The following CPNE8 variants were observed in gnomAD, a reference collection of about 807,000 sequenced individuals.
The protein encoded by CPNE8 is copine-8.
In CPNE8, 45 loss-of-function variants were observed where a neutral mutation model predicts 81.5. The ratio of observed to expected loss-of-function variants is 0.55; its 90% confidence interval spans 0.44 to 0.71. The LOEUF (loss-of-function observed/expected upper bound fraction) is 0.71. CPNE8 is among the 30% of genes least tolerant of loss of function. CPNE8 has a pLI of 0.00. For missense variants in CPNE8, 594 were observed against 672.1 expected (o/e 0.88, Z 1.28); for synonymous variants, 252 against 226.3 (o/e 1.11, Z -1.02).
intron 13 of CPNE8, 74 bp from the exon 14 acceptor site, chr12:38,702,995 A>G (rs1309288032): frequency 8.9e-6 from 9 of 1,007,442 alleles, no homozygotes; most frequent in African/African-American, 1.6e-5. Flanking sequence ...CATTTCGGTT[A>G]TATTTTTTAA....
intron 11 of CPNE8, among the ~76,000 whole-genome samples, chr12:38,727,467 CAT>C (rs796348387): frequency 1.7e-4 from 26 of 152,240 alleles, no homozygotes; most frequent in African/African-American, 5.5e-4. Context: ...TTACAATTAA[CAT>C]GTGTCAATTA....
chr12:38,669,051 C>A (rs1320377430), intron 19 of CPNE8, among the ~76,000 whole-genome samples: 1 of 148,738 alleles, frequency 6.7e-6, no homozygotes, highest in African/African-American at 2.5e-5. Context: ...GACTCTGCCT[C>A]AAAAAAAAAA....
intron 10 of CPNE8, among the ~76,000 whole-genome samples, chr12:38,740,448 G>C (rs1189882295): frequency 6.6e-6 from 1 of 152,180 alleles, no homozygotes; most frequent in Non-Finnish European, 1.5e-5. Context: ...GGAGTGGTGA[G>C]AGAGGGCATC....
chr12:38,813,998 T>C (rs1049519238), intron 6 of CPNE8, among the ~76,000 whole-genome samples: 1 of 151,932 alleles, frequency 6.6e-6, no homozygotes, highest in African/African-American at 2.4e-5. Context: ...AGTGGAATCA[T>C]GAAGAATGAG....
chr12:38,687,349 C>A (rs1047701554), intron 15 of CPNE8, among the ~76,000 whole-genome samples: 3 of 149,200 alleles, frequency 2.0e-5, no homozygotes, highest in African/African-American at 7.4e-5. Flanking sequence ...CATTATGCTA[C>A]CAAATTACGA....
intron 10 of CPNE8, among the ~76,000 whole-genome samples, chr12:38,737,823 TTCTC>T (rs34037924): frequency 0.55 from 83,638 of 151,114 alleles, 23,667 homozygotes; most frequent in East Asian, 0.81. Flanking sequence ...CACATACTCA[TTCTC>T]TCTCTCTCTC....
At chr12:38,821,633 A>C (rs1943111934) in intron 6 of CPNE8, among the ~76,000 whole-genome samples, 1 of 152,136 alleles carries the variant, frequency 6.6e-6, no homozygotes, top group Admixed American at 6.5e-5. Flanking sequence ...CATTCATTTT[A>C]CCTATATCTC....
intron 1 of CPNE8, among the ~76,000 whole-genome samples, chr12:38,881,136 G>C (rs967315760): frequency 1.3e-5 from 2 of 151,868 alleles, no homozygotes; most frequent in African/African-American, 4.8e-5. Context: ...CGTGAACCCG[G>C]GAGGCGGAGC....
intron 14 of CPNE8, among the ~76,000 whole-genome samples, chr12:38,698,249 A>G (rs557043011): frequency 4.5e-4 from 69 of 152,232 alleles, no homozygotes; most frequent in African/African-American, 1.6e-3. Flanking sequence ...CACTTTTAAC[A>G]TTGGATTATT....
intron 19 of CPNE8, among the ~76,000 whole-genome samples, chr12:38,657,961 G>GAAAATTCT (rs1035287314): frequency 2.6e-5 from 4 of 152,130 alleles, no homozygotes; most frequent in African/African-American, 9.7e-5. Flanking sequence ...CAGAAAAGCT[G>GAAAATTCT]AAAATTCTAA....
intron 6 of CPNE8, among the ~76,000 whole-genome samples, chr12:38,819,699 G>A (rs193000388): frequency 4.7e-4 from 70 of 148,764 alleles, no homozygotes; most frequent in African/African-American, 1.6e-3. Flanking sequence ...CCCGGGAGGC[G>A]GACCTTGCAG....
chr12:38,693,563 G>T (rs1047304665), intron 15 of CPNE8, 94 bp downstream of exon 15: 8 of 1,067,264 alleles, frequency 7.5e-6, no homozygotes, highest in African/African-American at 4.8e-5. Context: ...AGTAAAGCTT[G>T]CTACTTGACT....
At chr12:38,717,429 G>GTGTGTATATATATATA (rs770984926) in intron 13 of CPNE8, among the ~76,000 whole-genome samples, 1 of 87,052 alleles carries the variant, frequency 1.1e-5, no homozygotes, top group African/African-American at 4.6e-5. Flanking sequence ...AAAGTGTGGT[G>GTGTGTATATATATATA]TATATATATA....
intron 6 of CPNE8, among the ~76,000 whole-genome samples, chr12:38,815,474 C>T (rs1943010062): frequency 6.6e-6 from 1 of 152,194 alleles, no homozygotes; most frequent in Admixed American, 6.5e-5. Context: ...AAGATGCATG[C>T]AAGTACAGTT....
At chr12:38,667,910 G>GC (rs1939094639) in intron 19 of CPNE8, among the ~76,000 whole-genome samples, 1 of 151,876 alleles carries the variant, frequency 6.6e-6, no homozygotes, top group African/African-American at 2.4e-5. Flanking sequence ...CAATTCTCTT[G>GC]CCTCCGCCTC....
At chr12:38,868,799 A>AG (rs1321370880) in intron 3 of CPNE8, among the ~76,000 whole-genome samples, 1 of 152,194 alleles carries the variant, frequency 6.6e-6, no homozygotes, top group African/African-American at 2.4e-5. Context: ...AAGAGTCTGA[A>AG]GAAAGTACTG....
chr12:38,803,385 A>G (rs1259133856), intron 6 of CPNE8, among the ~76,000 whole-genome samples: 46 of 148,230 alleles, frequency 3.1e-4, no homozygotes, highest in Admixed American at 6.8e-4. Flanking sequence ...TCCAGCATAT[A>G]AACACAACCA....
At chr12:38,791,277 C>T (rs1318297083) in intron 6 of CPNE8, among the ~76,000 whole-genome samples, 2 of 151,542 alleles carry the variant, frequency 1.3e-5, no homozygotes, top group Non-Finnish European at 3.0e-5. Context: ...TACTCAATGA[C>T]CTTTTCTCAT....
At chr12:38,714,784 G>T (rs978014911) in intron 13 of CPNE8, among the ~76,000 whole-genome samples, 1 of 151,926 alleles carries the variant, frequency 6.6e-6, no homozygotes, top group Non-Finnish European at 1.5e-5. Flanking sequence ...AATATTTTAC[G>T]GATTGAGACA....
Sources: allele counts gnomAD v4.1 joint callset (sites outside exome capture counted in the v4.1 genomes callset), GRCh38; gene constraint gnomAD v4.1.1; transcripts MANE v1.5; gene names NCBI Gene and HGNC (gene_info 2026-07-23, HGNC 2026-07-21).